IL7R: variants seen among roughly 807,000 people sequenced by gnomAD.
IL7R encodes interleukin 7 receptor.
Under a neutral mutation model 47.0 loss-of-function variants are expected in IL7R, and 38 were observed. The observed-to-expected ratio is 0.81, with a 90% confidence interval of 0.62 to 1.06. The LOEUF (loss-of-function observed/expected upper bound fraction) is 1.06, where lower values mean the gene tolerates loss of function less well. IL7R is among the 50% of genes least tolerant of loss of function. The pLI, the probability that IL7R is intolerant of heterozygous loss-of-function variation, is 0.00. For synonymous variants in IL7R, 221 were observed against 199.8 expected, an observed-to-expected ratio of 1.11 and a Z score of -0.89; for missense variants, 633 against 534.8, an observed-to-expected ratio of 1.18 and a Z score of -1.81.
chr5:35,874,282 A>C (rs957795422), intron 5 of IL7R, among the ~76,000 whole-genome samples, 167 bp from the exon 6 acceptor site: 2 of 152,182 alleles, frequency 1.3e-5, no homozygotes, highest in Admixed American at 1.3e-4. Flanking sequence ...AATGCCTTTT[A>C]AACCAAAATC....
At position 35,873,685 on chromosome 5, in the gene IL7R, T is replaced by C. The variant is rs1016136769; in HGVS notation, c.706+37T>C. On this transcript the variant is annotated intron_variant, in intron 5 of 7. Coordinates refer to ENST00000303115, the MANE Select transcript of IL7R (RefSeq NM_002185.5). ...TGGTAGAGTTTTTGTTCCCTCAGAG[T>C]GCTTTGCATGTCAAAGTGTGGGAGC... The C allele has an allele frequency of 3.2e-6, 5 of 1,586,880 alleles. No homozygotes were observed. In the African/African-American group the frequency reaches 6.7e-5, roughly 21 times the overall value.
At chr5:35,860,653 G>GT (rs1759778024) in intron 1 of IL7R, among the ~76,000 whole-genome samples, 199 bp from the exon 2 acceptor site, 1 of 151,856 alleles carries the variant, frequency 6.6e-6, no homozygotes, top group South Asian at 2.1e-4. Flanking sequence ...GAGCGTTTTT[G>GT]TTTTTTGTTT....
In IL7R at chr5:35,857,060, G is replaced by A; in HGVS notation, c.82+1G>A. 6.3e-7 allele frequency: 1 copy of A among 1,581,110 alleles called. No individual in the cohort carries two copies. The highest frequency in any genetic ancestry group is 8.7e-7 in the Non-Finnish European group (1 of 1,150,510). On this transcript the variant is annotated splice_donor_variant, in intron 1 of 7. Transcript: ENST00000303115. LOFTEE classifies it high-confidence loss of function. ...GGAGAAAGTGGCTATGCTCAAAATG[G>A]TGAGTCATTTCTAAGTTTTCTTATG...
At position 35,878,997 on chromosome 5, in the gene IL7R, T is replaced by A. The variant is rs1484494937; in HGVS notation, c.*2511T>A. On this transcript the variant is annotated 3_prime_UTR_variant, in exon 8 of 8. Coordinates refer to ENST00000303115, the MANE Select transcript of IL7R (RefSeq NM_002185.5). ...ATAATCATATAATCATAACTGCTGT[T>A]AATTCTTGATTATATACCTAGGGAC... is the stretch of plus-strand genomic sequence containing the variant. 8.6e-6 allele frequency: 2 copies of A among 232,902 alleles called. No individual in the cohort carries two copies. Among genetic ancestry groups the A allele is most frequent in the Admixed American group, 5.6e-5 (1 of 17,786 alleles). The allele number at this position is 232,902 out of a possible 1,614,324, so 14.4% of individuals were successfully genotyped here.
At chr5:35,872,360 G>A (rs572374506) in intron 4 of IL7R, among the ~76,000 whole-genome samples, 37 of 152,098 alleles carry the variant, frequency 2.4e-4, no homozygotes, top group African/African-American at 4.8e-4. Context: ...CATCATGCCC[G>A]GCTAATTTTT....
At chr5:35,860,312 G>A (rs1176461995) in intron 1 of IL7R, among the ~76,000 whole-genome samples, 2 of 152,084 alleles carry the variant, frequency 1.3e-5, no homozygotes, top group East Asian at 3.8e-4. Flanking sequence ...TTAGGCAAGG[G>A]AAAGTGACCT....
Position 35,860,841 on chromosome 5 carries a change from T to C in IL7R, c.83-11T>C. ...TGTTTCATTAACAGCTGCATGTTTGTTCCTCCCCAGGAGACTTGGAAGATG... is the reference window on the plus strand; with the variant it reads ...TGTTTCATTAACAGCTGCATGTTTGCTCCTCCCCAGGAGACTTGGAAGATG... On this transcript the variant is annotated splice_polypyrimidine_tract_variant and intron_variant, in intron 1 of 7. Coordinates refer to ENST00000303115, the MANE Select transcript of IL7R (RefSeq NM_002185.5). The C allele has an allele frequency of 1.9e-6, 3 of 1,613,222 alleles. No individual in the cohort carries two copies. Among genetic ancestry groups the C allele is most frequent in the African/African-American group, 1.3e-5 (1 of 75,016 alleles).
chr5:35,874,065 C>T (rs548930259), intron 5 of IL7R, among the ~76,000 whole-genome samples: 1 of 152,136 alleles, frequency 6.6e-6, no homozygotes, highest in Non-Finnish European at 1.5e-5. Context: ...ATGAAGATGT[C>T]TTTGGGACTG....
chr5:35,873,730 G>A, intron 5 of IL7R, 82 bp downstream of exon 5: 1 of 1,293,894 alleles, frequency 7.7e-7, no homozygotes, highest in Non-Finnish European at 1.1e-6. Context: ...GAAGATTGTT[G>A]AAACTAACCT....
At chr5:35,862,767 T>TG (rs1287438913) in intron 2 of IL7R, among the ~76,000 whole-genome samples, 1 of 152,280 alleles carries the variant, frequency 6.6e-6, no homozygotes, top group East Asian at 1.9e-4. Context: ...TGCTACAGGT[T>TG]GGGGCCTGTA....
chr5:35,865,770 C>T (rs1256292420), intron 2 of IL7R, among the ~76,000 whole-genome samples: 2 of 151,938 alleles, frequency 1.3e-5, no homozygotes, highest in Non-Finnish European at 2.9e-5. Context: ...AAAAAACAAA[C>T]AACCCCATCA....
In IL7R at chr5:35,876,007, G is replaced by T; in HGVS notation, c.901G>T (p.Glu301Ter). The T allele has an allele frequency of 6.2e-7, 1 of 1,613,490 alleles. No individual in the cohort carries two copies. Reference sequence around the variant, plus strand: ...GAATTTAAATGTGAGTTTCAATCCTGAAAGTTTCCTGGACTGCCAGATTCA... The same window carrying T: ...GAATTTAAATGTGAGTTTCAATCCTTAAAGTTTCCTGGACTGCCAGATTCA... Reference protein sequence around the residue: ...RKNLNVSFNPESFLDCQIHRV... With the variant: ...RKNLNVSFNP Residue 301 changes from glutamate to a stop codon, truncating the protein, a stop_gained, in exon 8 of 8, where the codon GAA (glutamate) becomes TAA (stop). Transcript: ENST00000303115. LOFTEE classifies it high-confidence loss of function.
At chr5:35,875,609 A>C in intron 7 of IL7R, 22 bp downstream of exon 7, 1 of 1,570,908 alleles carries the variant, frequency 6.4e-7, no homozygotes, top group African/African-American at 1.3e-5. Flanking sequence ...TGGTGCTTAA[A>C]AAGTGTTGTG....
At chr5:35,864,217 A>G (rs899897699) in intron 2 of IL7R, among the ~76,000 whole-genome samples, 4 of 152,124 alleles carry the variant, frequency 2.6e-5, no homozygotes, top group South Asian at 2.1e-4. Context: ...CATCTTTTCA[A>G]TTGCTAAGTA....
chr5:35,867,329 G>C lies in IL7R; in HGVS notation c.245G>C (p.Cys82Ser), dbSNP rs757797163. The C allele has an allele frequency of 6.2e-7, 1 of 1,613,688 alleles. No homozygotes were observed. Among genetic ancestry groups the C allele is most frequent in the Non-Finnish European group, 8.5e-7 (1 of 1,179,716 alleles). ...EICGALVEVK[C>S]LNFRKLQEIY... ...AGTGGGGCCCTCGTGGAGGTAAAGT[G>C]CCTGAATTTCAGGAAACTACAAGAG... The change falls in exon 3 of 8, where the codon TGC becomes TCC. Residue 82 changes from cysteine to serine, a missense_variant. Transcript: ENST00000303115.
At chr5:35,867,241 T>A in intron 2 of IL7R, 65 bp from the exon 3 acceptor site, 1 of 1,403,008 alleles carries the variant, frequency 7.1e-7, no homozygotes, top group Non-Finnish European at 1.0e-6. Context: ...GTGCATATGA[T>A]ACTATTCCAC....
At position 35,874,502 on chromosome 5, in the gene IL7R, G is replaced by A. The variant is rs137868226; in HGVS notation, c.760G>A (p.Ala254Thr). The A allele has an allele frequency of 9.9e-5, 159 of 1,613,534 alleles. No individual in the cohort carries two copies. Among genetic ancestry groups the A allele is most frequent in the East Asian group, 4.9e-4 (22 of 44,872 alleles). Residue 254 changes from alanine to threonine, a missense_variant, in exon 6 of 8, where the codon GCT becomes ACT. Coordinates refer to ENST00000303115, the MANE Select transcript of IL7R (RefSeq NM_002185.5). ...CAGCATTTTGAGTTTTTTCTCTGTC[G>A]CTCTGTTGGTCATCTTGGCCTGTGT... The part of the protein sequence containing the change: ...TISILSFFSV[A>T]LLVILACVLW...
chr5:35,867,197 C>A, intron 2 of IL7R, 109 bp from the exon 3 acceptor site: 1 of 976,972 alleles, frequency 1.0e-6, no homozygotes, highest in Non-Finnish European at 1.6e-6. Flanking sequence ...ACCCACATAC[C>A]TATGAACAGA....
chr5:35,860,085 G>C (rs1165892952), intron 1 of IL7R, among the ~76,000 whole-genome samples: 1 of 151,612 alleles, frequency 6.6e-6, no homozygotes, highest in South Asian at 2.1e-4. Context: ...AAAAAAATCT[G>C]GTTCCCCACT....
Sources: gnomAD v4.1 joint callset for allele counts (sites outside exome capture counted in the v4.1 genomes callset) on GRCh38, gnomAD v4.1.1 for gene constraint, MANE v1.5 for transcripts, NCBI Gene and HGNC (gene_info 2026-07-23, HGNC 2026-07-21) for gene names.